The following RBFOX1 variants were observed in gnomAD, a reference collection of about 807,000 sequenced individuals.
RBFOX1 encodes the protein RNA binding protein fox-1 homolog 1.
A neutral mutation model predicts 57.7 loss-of-function variants in RBFOX1; 8 were observed. The observed-to-expected ratio is 0.14, with a 90% CI of 0.08 to 0.25. The LOEUF (loss-of-function observed/expected upper bound fraction) is 0.25. Among genes scored for constraint, RBFOX1 ranks in the 10% least tolerant of loss-of-function variants. The pLI, the probability that RBFOX1 is intolerant of heterozygous loss-of-function variation, is 1.00. For synonymous variants in RBFOX1, 326 were observed against 222.4 expected, an observed-to-expected ratio of 1.47 and a Z score of -4.15; for missense variants, 611 against 548.5, an observed-to-expected ratio of 1.11 and a Z score of -1.14.
chr16:6,834,969 T>C (rs2092982140), intron 3 of RBFOX1, among the ~76,000 whole-genome samples: 1 of 151,134 alleles, frequency 6.6e-6, no homozygotes, highest in Non-Finnish European at 1.5e-5. Context: ...CTTGGTTCAC[T>C]GTAAGCTTCA....
intron 4 of RBFOX1, among the ~76,000 whole-genome samples, chr16:5,909,526 C>G (rs1316427043): frequency 2.0e-5 from 3 of 152,218 alleles, no homozygotes; most frequent in Admixed American, 6.5e-5. Flanking sequence ...TCAACTTTGA[C>G]AGGTGCAGGA....
intron 14 of RBFOX1, among the ~76,000 whole-genome samples, chr16:7,701,397 C>G (rs369457735): frequency 2.6e-5 from 4 of 152,172 alleles, no homozygotes; most frequent in African/African-American, 9.6e-5. Flanking sequence ...CCAGTGGCAG[C>G]ATTAGATTCT....
At chr16:7,011,501 C>T (rs1298259069) in intron 3 of RBFOX1, among the ~76,000 whole-genome samples, 1 of 151,332 alleles carries the variant, frequency 6.6e-6, no homozygotes, top group Non-Finnish European at 1.5e-5. Flanking sequence ...TTTTGTTGTG[C>T]GTTTGTTTTG....
At chr16:7,380,382 G>C (rs2097765120) in intron 4 of RBFOX1, among the ~76,000 whole-genome samples, 1 of 152,084 alleles carries the variant, frequency 6.6e-6, no homozygotes, top group Non-Finnish European at 1.5e-5. Flanking sequence ...TACACATTTA[G>C]AACATATATG....
chr16:6,329,045 G>GA (rs2082701232), intron 2 of RBFOX1, among the ~76,000 whole-genome samples: 1 of 152,060 alleles, frequency 6.6e-6, no homozygotes, highest in Non-Finnish European at 1.5e-5. Flanking sequence ...CAATCCCCCC[G>GA]ACTCTGTGTG....
chr16:5,508,707 C>G (rs1181356600), intron 2 of RBFOX1, among the ~76,000 whole-genome samples: 2 of 152,154 alleles, frequency 1.3e-5, no homozygotes, highest in African/African-American at 4.8e-5. Flanking sequence ...CACAGAGTGC[C>G]ATACCCAAGG....
At chr16:6,157,959 T>C (rs1271993028) in intron 1 of RBFOX1, among the ~76,000 whole-genome samples, 1 of 152,174 alleles carries the variant, frequency 6.6e-6, no homozygotes, top group Non-Finnish European at 1.5e-5. Flanking sequence ...CTAAACTAAT[T>C]ACTATGAGCA....
intron 4 of RBFOX1, among the ~76,000 whole-genome samples, chr16:7,381,571 A>C (rs867685428): frequency 6.6e-6 from 1 of 150,818 alleles, no homozygotes; most frequent in Non-Finnish European, 1.5e-5. Flanking sequence ...TAAAAAGAGG[A>C]TTTGTTTTGG....
intron 5 of RBFOX1, among the ~76,000 whole-genome samples, chr16:7,538,098 A>G (rs117241741): frequency 6.6e-6 from 1 of 152,150 alleles, no homozygotes; most frequent in Non-Finnish European, 1.5e-5. Context: ...AGACCTTGAG[A>G]CTGGGAGACA....
intron 4 of RBFOX1, among the ~76,000 whole-genome samples, chr16:5,915,852 T>C (rs1367270741): frequency 1.3e-5 from 2 of 152,102 alleles, no homozygotes; most frequent in South Asian, 2.1e-4. Context: ...AAAAAGTTTA[T>C]AGACTACAAT....
chr16:5,685,249 A>T (rs2050470259), intron 3 of RBFOX1, among the ~76,000 whole-genome samples: 1 of 152,194 alleles, frequency 6.6e-6, no homozygotes, highest in Non-Finnish European at 1.5e-5. Flanking sequence ...GACATCCAGA[A>T]ATTGATGCAC....
At chr16:5,380,441 CT>C (rs1282667064) in intron 1 of RBFOX1, among the ~76,000 whole-genome samples, 2 of 152,196 alleles carry the variant, frequency 1.3e-5, no homozygotes, top group Non-Finnish European at 2.9e-5. Flanking sequence ...AAACTAAGGT[CT>C]GCTGTGATCG....
chr16:5,441,363 G>GTTTTT (rs34446326), intron 1 of RBFOX1, among the ~76,000 whole-genome samples: 1 of 111,754 alleles, frequency 8.9e-6, no homozygotes, highest in Non-Finnish European at 1.8e-5. Flanking sequence ...AGGAAAGAGG[G>GTTTTT]TTTTTTTTTT....
chr16:6,155,421 G>C (rs550452465), intron 1 of RBFOX1, among the ~76,000 whole-genome samples: 4 of 152,322 alleles, frequency 2.6e-5, no homozygotes, highest in South Asian at 4.1e-4. Flanking sequence ...AGTAAGTAGA[G>C]ACCTCAAGAT....
chr16:6,509,207 G>A (rs534824666), intron 2 of RBFOX1, among the ~76,000 whole-genome samples: 77 of 152,240 alleles, frequency 5.1e-4, no homozygotes, highest in Admixed American at 3.1e-3. Context: ...GTATTTTTGG[G>A]GGGAGCTGGC....
intron 3 of RBFOX1, among the ~76,000 whole-genome samples, chr16:6,715,402 A>C (rs1473401067): frequency 6.6e-6 from 1 of 152,182 alleles, no homozygotes; most frequent in Admixed American, 6.5e-5. Context: ...TGCATTATAA[A>C]TATGTGATGC....
At chr16:6,993,559 T>C (rs571434677) in intron 3 of RBFOX1, among the ~76,000 whole-genome samples, 1 of 152,178 alleles carries the variant, frequency 6.6e-6, no homozygotes, top group Non-Finnish European at 1.5e-5. Context: ...AATTTTATTC[T>C]ACATAGGGAG....
chr16:6,696,005 T>C (rs973360450), intron 3 of RBFOX1, among the ~76,000 whole-genome samples: 12 of 152,208 alleles, frequency 7.9e-5, no homozygotes, highest in Admixed American at 2.0e-4. Flanking sequence ...ATCTGATTTC[T>C]ACAGCGTATC....
At chr16:7,522,645 A>G (rs2152275514) in intron 5 of RBFOX1, among the ~76,000 whole-genome samples, 1 of 152,312 alleles carries the variant, frequency 6.6e-6, no homozygotes, top group African/African-American at 2.4e-5. Context: ...TTGGTAGGAT[A>G]GTTGATTTAG....
Sources: allele counts gnomAD v4.1 joint callset (sites outside exome capture counted in the v4.1 genomes callset), GRCh38; gene constraint gnomAD v4.1.1; transcripts MANE v1.5; gene names NCBI Gene and HGNC (gene_info 2026-07-23, HGNC 2026-07-21).